CARMIL1: variants seen among roughly 807,000 people sequenced by gnomAD.
CARMIL1 encodes the protein F-actin-uncapping protein LRRC16A.
CARMIL1 carries 90 observed loss-of-function variants against 177.1 expected under a neutral mutation model. That is an observed-to-expected ratio of 0.51 (90% CI 0.43 to 0.61). CARMIL1 has a LOEUF of 0.61. CARMIL1 is among the 20% of genes least tolerant of loss of function. The pLI, the probability that CARMIL1 is intolerant of heterozygous loss-of-function variation, is 0.00. For missense variants in CARMIL1, 1,380 were observed against 1,667.0 expected, an observed-to-expected ratio of 0.83 and a Z score of 3.00; for synonymous variants, 577 against 606.2, an observed-to-expected ratio of 0.95 and a Z score of 0.71.
intron 31 of CARMIL1, among the ~76,000 whole-genome samples, chr6:25,586,412 A>T (rs1417929531): frequency 6.9e-6 from 1 of 145,234 alleles, no homozygotes; most frequent in African/African-American, 2.7e-5. Context: ...CCAGGCAGAG[A>T]CGCTCCTCAC....
chr6:25,610,218 T>G (rs376778684), intron 36 of CARMIL1, 37 bp downstream of exon 36: 1 of 1,592,580 alleles, frequency 6.3e-7, no homozygotes, highest in Non-Finnish European at 8.5e-7. Context: ...CTGGGTTAGC[T>G]CTCCCCAAGG....
intron 26 of CARMIL1, among the ~76,000 whole-genome samples, chr6:25,546,451 G>C (rs1037500237): frequency 3.3e-5 from 5 of 152,088 alleles, no homozygotes; most frequent in African/African-American, 1.2e-4. Context: ...TGTAATCCCA[G>C]CACCTTGGGA....
At chr6:25,590,824 C>G (rs185094820) in intron 31 of CARMIL1, among the ~76,000 whole-genome samples, 63 of 152,216 alleles carry the variant, frequency 4.1e-4, no homozygotes, top group African/African-American at 1.5e-3. Context: ...TCTTATATAG[C>G]TATGTCCCCT....
chr6:25,343,316 C>CTT (rs5875030), intron 2 of CARMIL1, among the ~76,000 whole-genome samples: 2 of 135,452 alleles, frequency 1.5e-5, no homozygotes, highest in African/African-American at 5.4e-5. Flanking sequence ...AGTATTTTTG[C>CTT]TTTTTTTTTT....
chr6:25,509,822 A>G lies in CARMIL1; in HGVS notation c.1477+85A>G. ...GGAAAATAATCTTCTACCCAAATCC[A>G]AACAATAGCTTAATAAAAAAATTGT... On this transcript the variant is annotated intron_variant, in intron 18 of 36. Transcript: ENST00000329474. This position sits in a 1 kb window ranked among gnomAD's most constrained non-coding sequence, Gnocchi z 4.1. 2.1e-6 allele frequency: 2 copies of G among 942,160 alleles called. No individual in the cohort carries two copies. The highest frequency in any genetic ancestry group is 3.2e-6 in the Non-Finnish European group (2 of 620,008). The allele number at this position is 942,160 out of a possible 1,614,324, so 58.4% of individuals were successfully genotyped here.
chr6:25,496,472 C>CAAAA (rs34420791), intron 16 of CARMIL1, among the ~76,000 whole-genome samples: 1 of 101,582 alleles, frequency 9.8e-6, no homozygotes, highest in Non-Finnish European at 1.9e-5. Flanking sequence ...GACTCCATCT[C>CAAAA]AAAAAAAAAA....
intron 20 of CARMIL1, among the ~76,000 whole-genome samples, chr6:25,511,477 A>G (rs536284783): frequency 1.3e-5 from 2 of 152,262 alleles, no homozygotes; most frequent in East Asian, 3.9e-4. Flanking sequence ...TCAAAGTCCT[A>G]TTTGGTCACC....
intron 29 of CARMIL1, among the ~76,000 whole-genome samples, chr6:25,580,346 C>T (rs556310386): frequency 3.9e-5 from 6 of 152,288 alleles, no homozygotes; most frequent in African/African-American, 7.2e-5. Context: ...GTTTGAGTTT[C>T]GGTTTCATTT....
chr6:25,354,172 C>CT (rs919010725), intron 2 of CARMIL1, among the ~76,000 whole-genome samples: 4 of 151,404 alleles, frequency 2.6e-5, no homozygotes, highest in African/African-American at 9.7e-5. Context: ...GCTTTCTTTT[C>CT]TTTTTTGGGA....
intron 8 of CARMIL1, chr6:25,452,170 C>A (rs1241238478): frequency 1.3e-6 from 1 of 764,966 alleles, no homozygotes; most frequent in Non-Finnish European, 2.4e-6. Context: ...GTGAAGCAGG[C>A]TCAGCTGTGT....
At chr6:25,394,295 T>A (rs567438631) in intron 2 of CARMIL1, among the ~76,000 whole-genome samples, 30 of 152,304 alleles carry the variant, frequency 2.0e-4, no homozygotes, top group African/African-American at 7.0e-4. Flanking sequence ...CACTATTAAC[T>A]CATTCAGTCT....
chr6:25,610,209 T>TG, intron 36 of CARMIL1, 28 bp downstream of exon 36: 1 of 1,601,102 alleles, frequency 6.2e-7, no homozygotes, highest in Non-Finnish European at 8.5e-7. Flanking sequence ...TTCTTTTCTC[T>TG]GGGTTAGCTC....
At chr6:25,285,002 G>T in intron 2 of CARMIL1, 93 bp downstream of exon 2, 1 of 767,378 alleles carries the variant, frequency 1.3e-6, no homozygotes, top group Non-Finnish European at 2.2e-6. Context: ...CATTACTTCT[G>T]TGTTTTATAT....
intron 31 of CARMIL1, among the ~76,000 whole-genome samples, chr6:25,591,034 A>G (rs1264768804): frequency 6.6e-6 from 1 of 152,220 alleles, no homozygotes; most frequent in African/African-American, 2.4e-5. Context: ...ATATATGCAC[A>G]TAACATTCCA....
At chr6:25,330,886 A>G (rs1483377135) in intron 2 of CARMIL1, among the ~76,000 whole-genome samples, 12 of 109,156 alleles carry the variant, frequency 1.1e-4, no homozygotes, top group African/African-American at 4.2e-4. Context: ...CATTTTCAAG[A>G]GGTTTTTTTT....
At chr6:25,532,657 T>G (rs72839070) in intron 24 of CARMIL1, among the ~76,000 whole-genome samples, 6,702 of 152,330 alleles carry the variant, frequency 0.044, 191 homozygotes, top group Middle Eastern at 0.079. Context: ...AATGTTTTAA[T>G]GAAATATTGA....
At chr6:25,467,229 A>T (rs1219055032) in intron 9 of CARMIL1, among the ~76,000 whole-genome samples, 1 of 152,170 alleles carries the variant, frequency 6.6e-6, no homozygotes, top group African/African-American at 2.4e-5. Flanking sequence ...GCTCTCAGGG[A>T]GCAGACAGGT....
chr6:25,319,509 A>G (rs1784522516), intron 2 of CARMIL1, among the ~76,000 whole-genome samples: 1 of 152,090 alleles, frequency 6.6e-6, no homozygotes. Flanking sequence ...TAGGTAATGA[A>G]GGGAGAATGG....
chr6:25,419,666 G>T (rs113999493), intron 2 of CARMIL1, among the ~76,000 whole-genome samples: 3,583 of 152,242 alleles, frequency 0.024, 113 homozygotes, highest in African/African-American at 0.07. Flanking sequence ...GTTAGCTGGA[G>T]TACAAAGAAT....
Sources: gnomAD v4.1 joint callset for allele counts (sites outside exome capture counted in the v4.1 genomes callset) on GRCh38, gnomAD v4.1.1 for gene constraint, Gnocchi (gnomAD v3.1) non-coding constraint, MANE v1.5 for transcripts, NCBI Gene and HGNC (gene_info 2026-07-23, HGNC 2026-07-21) for gene names.